The following DPM1 variants were observed in gnomAD, a reference collection of about 807,000 sequenced individuals.
DPM1 encodes dolichyl-phosphate mannosyltransferase subunit 1, catalytic, also known as dolichol-phosphate mannosyltransferase subunit 1.
In DPM1, 27 loss-of-function variants were observed where a neutral mutation model predicts 39.0. That is an observed-to-expected ratio of 0.69 (90% confidence interval 0.51 to 0.95). DPM1 has a LOEUF of 0.95. Among genes scored for constraint, DPM1 ranks in the 40% least tolerant of loss-of-function variants. The pLI, the probability that DPM1 is intolerant of heterozygous loss-of-function variation, is 0.00. For missense variants in DPM1, 307 were observed against 315.6 expected, an observed-to-expected ratio of 0.97 and a Z score of 0.21; for synonymous variants, 124 against 109.0, an observed-to-expected ratio of 1.14 and a Z score of -0.86.
chr20:50,957,780 A>C (rs1986908420), intron 1 of DPM1, among the ~76,000 whole-genome samples: 1 of 152,224 alleles, frequency 6.6e-6, no homozygotes, highest in African/African-American at 2.4e-5. Context: ...CAGTTTTTAA[A>C]AACACTGCAT....
At chr20:50,941,229 T>TGA in intron 6 of DPM1, 1 of 52,870 alleles carries the variant, frequency 1.9e-5, no homozygotes. Flanking sequence ...AAAAAGTGAA[T>TGA]ATATATATAT....
chr20:50,937,020 AGCTCC>A (rs1040913648), intron 7 of DPM1, among the ~76,000 whole-genome samples: 7 of 150,330 alleles, frequency 4.7e-5, no homozygotes, highest in African/African-American at 1.7e-4. Context: ...AATAGCAGGG[AGCTCC>A]GTATTTTCAG....
chr20:50,948,638 A>G lies in DPM1; in HGVS notation c.286T>C (p.Leu96=), dbSNP rs780244460. 138 of 1,613,904 alleles carry G rather than the reference A, an allele frequency of 8.6e-5. No homozygotes were observed. The highest frequency in any genetic ancestry group is 1.1e-4 in the Non-Finnish European group (127 of 1,179,920). ...AGATTACACGACTTACCTAGTCCCA[A>G]CTTTTTCTCTCGTGGTCTTAGAAGC... The part of the protein sequence containing the change: ...RILLRPREKK[L]GLGTAYIHGM... Residue 96 remains leucine, a synonymous_variant, in exon 3 of 9, where the codon TTG becomes CTG. Coordinates refer to ENST00000371588, the MANE Select transcript of DPM1 (RefSeq NM_003859.3).
chr20:50,935,240 G>T lies in DPM1; in HGVS notation c.679-4C>A. ...GATCCACAAATGATATTGGAACCTA[G>T]TTTAAAAAAAAAAAAGTAACGTTAG... On this transcript the variant is annotated splice_polypyrimidine_tract_variant and splice_region_variant and intron_variant, in intron 8 of 8. Coordinates refer to ENST00000371588, the MANE Select transcript of DPM1 (RefSeq NM_003859.3). 6 of 1,478,618 alleles carry T rather than the reference G, an allele frequency of 4.1e-6. No individual in the cohort carries two copies. The highest frequency in any genetic ancestry group is 5.4e-6 in the Non-Finnish European group (6 of 1,102,040). 91.6% of individuals were successfully genotyped at this position (1,478,618 alleles called of 1,614,324 possible). A position where few individuals can be genotyped will look rare whatever the true frequency, so the allele number is the denominator to read the frequency against.
intron 7 of DPM1, among the ~76,000 whole-genome samples, chr20:50,938,938 C>T (rs1048093450): frequency 6.6e-6 from 1 of 151,880 alleles, no homozygotes; most frequent in African/African-American, 2.4e-5. Context: ...AAGATCGCGC[C>T]ATTGCACACT....
In DPM1 at chr20:50,958,357, C is replaced by A. The variant is rs1176208054; in HGVS notation, c.161+6G>T. On this transcript the variant is annotated splice_donor_region_variant and intron_variant, in intron 1 of 8. Coordinates refer to ENST00000371588, the MANE Select transcript of DPM1 (RefSeq NM_003859.3). The stretch of plus-strand genomic sequence containing the variant: ...ATTCTTCGGGGAGGGAGACCTGGTG[C>A]GCTACCTCTCGGAGAAGCTTTTCAC... 1 of 1,613,052 alleles carries A rather than the reference C, an allele frequency of 6.2e-7. No individual in the cohort carries two copies. The highest frequency in any genetic ancestry group is 1.1e-5 in the South Asian group (1 of 91,070).
At chr20:50,950,205 T>C (rs538753075) in intron 2 of DPM1, among the ~76,000 whole-genome samples, 13 of 152,312 alleles carry the variant, frequency 8.5e-5, no homozygotes, top group Middle Eastern at 6.8e-3. Context: ...CTGATAACAA[T>C]CTAACTCTAA....
intron 1 of DPM1, 33 bp from the exon 2 acceptor site, chr20:50,955,318 GAC>G: frequency 7.0e-7 from 1 of 1,427,078 alleles, no homozygotes; most frequent in Non-Finnish European, 9.9e-7. Flanking sequence ...AATGACTGAT[GAC>G]AGTGTTCTCA....
chr20:50,941,977 T>C (rs1985868664), intron 6 of DPM1, 54 bp downstream of exon 6: 1 of 1,444,888 alleles, frequency 6.9e-7, no homozygotes, highest in Non-Finnish European at 9.7e-7. Context: ...ATACTTGCTA[T>C]GAATACATTT....
intron 8 of DPM1, 94 bp downstream of exon 8, chr20:50,936,054 C>T: frequency 1.2e-6 from 1 of 850,026 alleles, no homozygotes; most frequent in African/African-American, 1.7e-5. Context: ...CACAATTTAG[C>T]AGTTATGAAA....
At chr20:50,939,966 T>C (rs1985568336) in intron 7 of DPM1, among the ~76,000 whole-genome samples, 1 of 152,180 alleles carries the variant, frequency 6.6e-6, no homozygotes, top group Admixed American at 6.5e-5. Flanking sequence ...AATGACTCTT[T>C]AGCCTTAGGG....
At chr20:50,936,121 A>C in intron 8 of DPM1, 27 bp downstream of exon 8, 1 of 1,493,028 alleles carries the variant, frequency 6.7e-7, no homozygotes, top group Non-Finnish European at 9.3e-7. Flanking sequence ...CAGGAACATG[A>C]CACACTATTT....
rs751754266 is a variant in DPM1 at position 50,948,565 on chromosome 20, T to A, written c.295+64A>T. 28 of 1,506,260 alleles carry A rather than the reference T, an allele frequency of 1.9e-5. No homozygotes were observed. In the African/African-American group the frequency reaches 3.9e-4, roughly 21 times the overall value. 93.3% of individuals were successfully genotyped at this position (1,506,260 alleles called of 1,614,324 possible). ...TTGGCCCTATTCCAAACTGGGAAAA[T>A]ACACACTGGATCATGTCACCAAGCA... On this transcript the variant is annotated intron_variant, in intron 3 of 8. Transcript: ENST00000371588.
chr20:50,947,792 C>A (rs1174007523), intron 3 of DPM1, among the ~76,000 whole-genome samples: 6 of 152,100 alleles, frequency 3.9e-5, no homozygotes, highest in African/African-American at 1.4e-4. Context: ...CGACGCCCAG[C>A]TAATTTTTGT....
chr20:50,945,320 G>GTGTGTGTGTA (rs1264398663), intron 5 of DPM1, among the ~76,000 whole-genome samples: 3 of 133,018 alleles, frequency 2.3e-5, no homozygotes, highest in Non-Finnish European at 3.2e-5. Context: ...GTGTGTGTGT[G>GTGTGTGTGTA]TGTCTACTAT....
chr20:50,951,923 T>C (rs1256426355), intron 2 of DPM1, among the ~76,000 whole-genome samples: 1 of 152,236 alleles, frequency 6.6e-6, no homozygotes, highest in Non-Finnish European at 1.5e-5. Context: ...CTATTTGGTA[T>C]GCTTTACTTT....
At chr20:50,938,614 T>C (rs1483783252) in intron 7 of DPM1, among the ~76,000 whole-genome samples, 1 of 150,818 alleles carries the variant, frequency 6.6e-6, no homozygotes, top group Non-Finnish European at 1.5e-5. Flanking sequence ...TCTCCTGACC[T>C]TGTGATCCAC....
At chr20:50,955,434 T>A (rs1290233138) in intron 1 of DPM1, 149 bp from the exon 2 acceptor site, 1 of 662,788 alleles carries the variant, frequency 1.5e-6, no homozygotes, top group African/African-American at 1.8e-5. Flanking sequence ...ATGAAATAAA[T>A]GTCAAACATT....
At position 50,956,772 on chromosome 20, in the gene DPM1, TGAAAGA is replaced by T. The variant is rs1986843614; in HGVS notation, c.162-1493_162-1488del. Among the ~76,000 whole-genome samples the T allele has an allele frequency of 2.0e-5, 3 of 152,198 alleles. No homozygotes were observed. In the South Asian group the frequency reaches 6.2e-4, roughly 31 times the overall value. ...TGTAAGGTGATTTTAATAGACGTGC[TGAAAGA>T]GAAATTCCATAAACAAAATGGGGTC... On this transcript the variant is annotated intron_variant, in intron 1 of 8. Transcript: ENST00000371588.
Sources: gnomAD v4.1 joint callset for allele counts (sites outside exome capture counted in the v4.1 genomes callset) on GRCh38, gnomAD v4.1.1 for gene constraint, MANE v1.5 for transcripts, NCBI Gene and HGNC (gene_info 2026-07-23, HGNC 2026-07-21) for gene names.